EDA: variants seen among roughly 807,000 people sequenced by gnomAD.
EDA encodes ectodysplasin A.
EDA carries 2 observed loss-of-function variants against 23.6 expected under a neutral mutation model. That is an observed-to-expected ratio of 0.08 (90% CI 0.03 to 0.27). The LOEUF is 0.27. EDA is among the 10% of genes least tolerant of loss of function. The pLI is 1.00. For missense variants in EDA, 229 were observed against 324.2 expected (o/e 0.71, Z 2.26); for synonymous variants, 131 against 132.0 (o/e 0.99, Z 0.05).
rs906036471 is a variant in EDA, at chrX:69,829,056, A to G, written c.397-127971A>G. Among the ~76,000 whole-genome samples the G allele has an allele frequency of 1.4e-4, 16 of 112,163 alleles. No homozygotes were observed. The East Asian group carries it at 4.2e-3, about 30-fold the overall frequency. ...TCATCATCCCCCATTATTCTCTATCATATCACCTTGTTTATTTCCTTCAGG... is the reference window on the plus strand; with the variant it reads ...TCATCATCCCCCATTATTCTCTATCGTATCACCTTGTTTATTTCCTTCAGG... On this transcript the variant is annotated intron_variant, in intron 1 of 7. Coordinates refer to ENST00000374552, the MANE Select transcript of EDA (RefSeq NM_001399.5).
intron 1 of EDA, among the ~76,000 whole-genome samples, chrX:69,710,901 A>G (rs2011989441): frequency 9.0e-6 from 1 of 111,704 alleles, no homozygotes; most frequent in Non-Finnish European, 1.9e-5. Flanking sequence ...GGCTGAGAAG[A>G]TGGGGTTTTC....
intron 1 of EDA, among the ~76,000 whole-genome samples, chrX:69,921,125 A>G (rs937149694): frequency 1.5e-4 from 17 of 110,952 alleles, no homozygotes; most frequent in African/African-American, 4.6e-4. Context: ...ACCCTCATGC[A>G]TGTGGGCTTT....
chrX:69,645,425 T>A (rs181875992), intron 1 of EDA, among the ~76,000 whole-genome samples: 2,355 of 104,691 alleles, frequency 0.022, 65 homozygotes, highest in African/African-American at 0.08. Flanking sequence ...TGTTTGTATT[T>A]CTGTGGGGTC....
intron 1 of EDA, among the ~76,000 whole-genome samples, chrX:69,711,100 G>A (rs201177887): frequency 2.7e-5 from 3 of 111,388 alleles, no homozygotes; most frequent in East Asian, 5.7e-4. Flanking sequence ...TCCAGTTTTT[G>A]CCCATTCAGT....
chrX:69,642,393 G>A (rs756726038), intron 1 of EDA, among the ~76,000 whole-genome samples: 2 of 110,832 alleles, frequency 1.8e-5, no homozygotes, highest in Non-Finnish European at 3.8e-5. Context: ...AATACTATAC[G>A]TTATATGTGT....
chrX:69,924,016 G>C (rs1370685233), intron 1 of EDA, among the ~76,000 whole-genome samples: 1 of 110,752 alleles, frequency 9.0e-6, no homozygotes, highest in Non-Finnish European at 1.9e-5. Context: ...TTCTGATTGG[G>C]GTTGTTTTTT....
intron 1 of EDA, among the ~76,000 whole-genome samples, chrX:69,717,104 T>C (rs2012367850): frequency 9.0e-6 from 1 of 111,198 alleles, no homozygotes; most frequent in Non-Finnish European, 1.9e-5. Flanking sequence ...CAATACCATG[T>C]TGGATAGGAG....
intron 1 of EDA, among the ~76,000 whole-genome samples, chrX:69,629,269 C>G (rs1174705450): frequency 8.9e-6 from 1 of 111,937 alleles, no homozygotes; most frequent in African/African-American, 3.2e-5. Flanking sequence ...TCCAACCTGT[C>G]TCTTGGACCC....
intron 1 of EDA, among the ~76,000 whole-genome samples, chrX:69,872,870 G>T (rs1025128348): frequency 9.0e-6 from 1 of 111,097 alleles, no homozygotes; most frequent in Non-Finnish European, 1.9e-5. Context: ...AAGAAACAAT[G>T]GACTTAAAAT....
At chrX:70,011,417 G>A (rs1215941593) in intron 2 of EDA, among the ~76,000 whole-genome samples, 1 of 104,695 alleles carries the variant, frequency 9.6e-6, no homozygotes, top group Non-Finnish European at 1.9e-5. Context: ...TGCAACCTCT[G>A]CCTCCCGGGT....
chrX:69,632,841 G>A (rs188684568), intron 1 of EDA, among the ~76,000 whole-genome samples: 4 of 111,537 alleles, frequency 3.6e-5, no homozygotes, highest in African/African-American at 9.8e-5. Flanking sequence ...TCTTCTCCCC[G>A]CTTACTATCT....
chrX:69,622,702 G>A (rs1387300828), intron 1 of EDA, among the ~76,000 whole-genome samples: 1 of 111,563 alleles, frequency 9.0e-6, no homozygotes, highest in East Asian at 2.8e-4. Context: ...TAATTTTAAT[G>A]TGTTTAATTT....
chrX:69,635,566 C>CTTTTTTTTTTTTT (rs138087284), intron 1 of EDA, among the ~76,000 whole-genome samples: 3 of 63,465 alleles, frequency 4.7e-5, no homozygotes, highest in African/African-American at 1.5e-4. Flanking sequence ...AACACCAAAT[C>CTTTTTTTTTTTTT]TTTTTTTTTT....
At chrX:69,616,730 C>T in intron 1 of EDA, 26 bp downstream of exon 1, 1 of 1,210,867 alleles carries the variant, frequency 8.3e-7, no homozygotes, top group Non-Finnish European at 1.1e-6. Context: ...GGGGCGGCGG[C>T]GGCCCCCTCC....
chrX:69,651,285 G>A (rs1933095507), intron 1 of EDA, among the ~76,000 whole-genome samples: 1 of 111,857 alleles, frequency 8.9e-6, no homozygotes, highest in Admixed American at 9.5e-5. Flanking sequence ...TCTAGCTGAT[G>A]TGTGGAAAAG....
chrX:69,694,746 G>A (rs1010367258), intron 1 of EDA, among the ~76,000 whole-genome samples: 1 of 111,693 alleles, frequency 9.0e-6, no homozygotes, highest in Non-Finnish European at 1.9e-5. Flanking sequence ...ATTATACCAG[G>A]ACTACTAGAT....
intron 1 of EDA, among the ~76,000 whole-genome samples, chrX:69,695,516 T>C (rs760450625): frequency 5.9e-5 from 6 of 102,527 alleles, no homozygotes; most frequent in South Asian, 4.6e-4. Flanking sequence ...TTCTTTCTTT[T>C]TTTTTTTTTT....
chrX:69,784,867 G>A (rs1220117477), intron 1 of EDA, among the ~76,000 whole-genome samples: 1 of 110,347 alleles, frequency 9.1e-6, no homozygotes, highest in Non-Finnish European at 1.9e-5. Context: ...CATTGAATCT[G>A]TAAATTACCT....
chrX:70,031,031 G>T (rs1451515002), intron 6 of EDA, among the ~76,000 whole-genome samples: 1 of 112,182 alleles, frequency 8.9e-6, no homozygotes, highest in African/African-American at 3.2e-5. Context: ...CTGATTTGTT[G>T]TAATCCCTGC....
Sources: allele counts gnomAD v4.1 joint callset (sites outside exome capture counted in the v4.1 genomes callset), GRCh38; gene constraint gnomAD v4.1.1; transcripts MANE v1.5; gene names NCBI Gene and HGNC (gene_info 2026-07-23, HGNC 2026-07-21).